Variants in LITAF observed in about 807,000 individuals in gnomAD.
The protein encoded by LITAF is lipopolysaccharide-induced tumor necrosis factor-alpha factor.
Under a neutral mutation model 14.5 loss-of-function variants are expected in LITAF, and 9 were observed. The observed-to-expected ratio is 0.62, with a 90% CI of 0.37 to 1.08. The LOEUF (loss-of-function observed/expected upper bound fraction) is 1.08, where lower values mean the gene tolerates loss of function less well. LITAF is among the 50% of genes least tolerant of loss of function. The pLI is 0.01. For missense variants in LITAF, 206 were observed against 213.4 expected (o/e 0.97, Z 0.22); for synonymous variants, 98 against 88.2 (o/e 1.11, Z -0.62).
intron 3 of LITAF, among the ~76,000 whole-genome samples, chr16:11,630,542 G>C (rs1405809982): frequency 6.7e-6 from 1 of 149,910 alleles, no homozygotes; most frequent in Non-Finnish European, 1.5e-5. Flanking sequence ...TCTGGCGGCA[G>C]TGCCTTCCCC....
chr16:11,567,341 G>T (rs1481314059), intron 1 of LITAF, among the ~76,000 whole-genome samples: 1 of 151,740 alleles, frequency 6.6e-6, no homozygotes, highest in Non-Finnish European at 1.5e-5. Context: ...AATTGCTTGA[G>T]CCCAGGAGAT....
chr16:11,627,956 G>A (rs1390074196), intron 3 of LITAF, among the ~76,000 whole-genome samples: 1 of 146,056 alleles, frequency 6.8e-6, no homozygotes. Context: ...GGCGGAGGTT[G>A]CAGTGAGATT....
Position 11,586,542 on chromosome 16 carries a change from G to A in LITAF, c.-6+344C>T, listed in dbSNP as rs551965772. The stretch of plus-strand genomic sequence containing the variant: ...GCGCCTTTTTCTAAAAAGCCCAGGG[G>A]CCGTCCTCTCCGGGGAGGGGGACGC... On this transcript the variant is annotated intron_variant, in intron 1 of 3. Transcript: ENST00000622633. This position sits in a 1 kb window ranked among gnomAD's most constrained non-coding sequence, Gnocchi z 6.5. Among the ~76,000 whole-genome samples, 463 of 152,226 alleles carry A rather than the reference G, an allele frequency of 3.0e-3. 3 individuals carry two copies. The highest frequency in any genetic ancestry group is 4.8e-3 in the Non-Finnish European group (328 of 67,962).
upstream of LITAF, among the ~76,000 whole-genome samples, chr16:11,602,876 C>T (rs896370070): frequency 1.3e-5 from 2 of 152,028 alleles, no homozygotes; most frequent in East Asian, 1.9e-4. Flanking sequence ...TTTGAGAGGC[C>T]GAGGTGGGAG....
At chr16:11,582,616 G>A (rs1257642868) in intron 1 of LITAF, among the ~76,000 whole-genome samples, 1 of 152,016 alleles carries the variant, frequency 6.6e-6, no homozygotes, top group Non-Finnish European at 1.5e-5. Flanking sequence ...TATGTATATC[G>A]CAGAAATGAC....
At chr16:11,559,556 G>C (rs780129556) in intron 1 of LITAF, among the ~76,000 whole-genome samples, 1 of 151,760 alleles carries the variant, frequency 6.6e-6, no homozygotes, top group African/African-American at 2.4e-5. Context: ...TACACCCTGG[G>C]TTTCAAAACT....
intron 3 of LITAF, among the ~76,000 whole-genome samples, chr16:11,614,785 C>A (rs560338624): frequency 1.8e-4 from 27 of 152,334 alleles, no homozygotes; most frequent in Middle Eastern, 3.4e-3. Flanking sequence ...TCAGCTGTTA[C>A]AAATATCTTC....
At chr16:11,629,851 G>C (rs1021050960) in intron 3 of LITAF, among the ~76,000 whole-genome samples, 3 of 152,096 alleles carry the variant, frequency 2.0e-5, no homozygotes, top group Non-Finnish European at 2.9e-5. Context: ...AGGCCATGTG[G>C]TAGGCGCTCT....
chr16:11,624,032 C>T (rs1054156015), intron 3 of LITAF, among the ~76,000 whole-genome samples: 2 of 152,124 alleles, frequency 1.3e-5, no homozygotes, highest in Admixed American at 6.6e-5. Flanking sequence ...CACTTGTAAT[C>T]CCAGTACTTT....
At chr16:11,564,415 T>C (rs1258005999) in intron 1 of LITAF, among the ~76,000 whole-genome samples, 1 of 152,144 alleles carries the variant, frequency 6.6e-6, no homozygotes, top group African/African-American at 2.4e-5. Context: ...CTCAGAATTC[T>C]CTGGAATAGG....
intron 3 of LITAF, among the ~76,000 whole-genome samples, chr16:11,550,331 C>T (rs775673809): frequency 1.3e-5 from 2 of 152,192 alleles, no homozygotes; most frequent in Non-Finnish European, 2.9e-5. Context: ...CTCAAGTGAT[C>T]CACCCGCCTT....
At chr16:11,580,644 T>G (rs75109030) in intron 1 of LITAF, among the ~76,000 whole-genome samples, 3,394 of 152,198 alleles carry the variant, frequency 0.022, 84 homozygotes, top group Non-Finnish European at 0.031. Flanking sequence ...TGAGACAACT[T>G]TCATCATTCA....
chr16:11,639,644 A>C (rs1236604184), upstream of LITAF, among the ~76,000 whole-genome samples: 1 of 152,176 alleles, frequency 6.6e-6, no homozygotes, highest in African/African-American at 2.4e-5. Context: ...AAAAAGAATG[A>C]AACAGAGAGA....
intron 3 of LITAF, among the ~76,000 whole-genome samples, chr16:11,618,812 G>A (rs1420046616): frequency 1.3e-5 from 2 of 151,652 alleles, no homozygotes; most frequent in Non-Finnish European, 2.9e-5. Context: ...GTGAAACCCT[G>A]TCTCTACTAA....
intron 1 of LITAF, among the ~76,000 whole-genome samples, chr16:11,560,507 T>C (rs1438572572): frequency 5.4e-5 from 8 of 147,878 alleles, no homozygotes; most frequent in Non-Finnish European, 1.0e-4. Context: ...GCACTTAACC[T>C]GGGAGGCAGA....
At position 11,566,209 on chromosome 16, in the gene LITAF, G is replaced by C. The variant is rs568926762; in HGVS notation, c.-5-9474C>G. Among the ~76,000 whole-genome samples the C allele has an allele frequency of 4.1e-4, 63 of 152,286 alleles. No homozygotes were observed. In the South Asian group the frequency reaches 0.012, roughly 30 times the overall value. ...TCCTATCTGGTCATAGACCCCATAA[G>C]AGCAGGAACTGACACTAAAATCTGC... On this transcript the variant is annotated intron_variant, in intron 1 of 3. Transcript: ENST00000622633.
upstream of LITAF, among the ~76,000 whole-genome samples, chr16:11,591,665 G>C (rs1331336736): frequency 2.0e-5 from 3 of 151,766 alleles, no homozygotes; most frequent in Non-Finnish European, 4.4e-5. Context: ...TTTTGAGACA[G>C]AGTCTCACTC....
chr16:11,582,607 A>G (rs994764084), intron 1 of LITAF, among the ~76,000 whole-genome samples: 1 of 152,136 alleles, frequency 6.6e-6, no homozygotes, highest in African/African-American at 2.4e-5. Context: ...GCCCATGAAT[A>G]TGTATATCGC....
intron 1 of LITAF, among the ~76,000 whole-genome samples, chr16:11,569,524 ATAACT>A (rs1433494979): frequency 2.0e-5 from 3 of 152,086 alleles, no homozygotes; most frequent in Non-Finnish European, 4.4e-5. Context: ...TTAAATCAAG[ATAACT>A]TAACATGTGG....
Sources: gnomAD v4.1 joint callset for allele counts (sites outside exome capture counted in the v4.1 genomes callset) on GRCh38, gnomAD v4.1.1 for gene constraint, Gnocchi (gnomAD v3.1) non-coding constraint, MANE v1.5 for transcripts, NCBI Gene and HGNC (gene_info 2026-07-23, HGNC 2026-07-21) for gene names.